Variants in PTPRM observed in about 807,000 individuals in gnomAD.
The protein encoded by PTPRM is receptor-type tyrosine-protein phosphatase mu.
A neutral mutation model predicts 186.7 loss-of-function variants in PTPRM; 47 were observed. That is an observed-to-expected ratio of 0.25 (90% CI 0.20 to 0.32). The LOEUF (loss-of-function observed/expected upper bound fraction) is 0.32. Among genes scored for constraint, PTPRM ranks in the 10% least tolerant of loss-of-function variants. The pLI, the probability that PTPRM is intolerant of heterozygous loss-of-function variation, is 1.00. For synonymous variants in PTPRM, 668 were observed against 674.9 expected (o/e 0.99, Z 0.16); for missense variants, 1,494 against 1,865.0 (o/e 0.80, Z 3.66).
intron 23 of PTPRM, among the ~76,000 whole-genome samples, chr18:8,370,051 G>A (rs926934365): frequency 6.6e-6 from 1 of 152,154 alleles, no homozygotes; most frequent in African/African-American, 2.4e-5. Flanking sequence ...TGGAGGGGCA[G>A]GGACAGGAAT....
chr18:8,405,252 A>G (rs999872746), intron 32 of PTPRM: 1 of 151,726 alleles, frequency 6.6e-6, no homozygotes, highest in East Asian at 1.9e-4. Context: ...GATCTCAAAC[A>G]TTTCCCCTTC....
intron 1 of PTPRM, among the ~76,000 whole-genome samples, chr18:7,710,277 CAG>C (rs2040184773): frequency 6.6e-6 from 1 of 152,088 alleles, no homozygotes; most frequent in Non-Finnish European, 1.5e-5. Context: ...ATCACATAAA[CAG>C]AATTAAAAAC....
chr18:7,963,183 A>T (rs759382040), intron 7 of PTPRM, among the ~76,000 whole-genome samples: 1 of 152,270 alleles, frequency 6.6e-6, no homozygotes, highest in Non-Finnish European at 1.5e-5. Context: ...CACCGTGTAC[A>T]TAGGACAGGG....
chr18:7,925,640 T>C (rs910573212), intron 4 of PTPRM, among the ~76,000 whole-genome samples: 2 of 152,152 alleles, frequency 1.3e-5, no homozygotes, highest in African/African-American at 2.4e-5. Context: ...TTTATCTGTC[T>C]CTCCCAGAAA....
intron 14 of PTPRM, among the ~76,000 whole-genome samples, chr18:8,194,535 C>T (rs1358202833): frequency 1.3e-5 from 2 of 152,184 alleles, no homozygotes; most frequent in African/African-American, 2.4e-5. Context: ...ACAGGCAGGC[C>T]CCTTTATGAA....
At chr18:8,313,490 A>G (rs562968955) in intron 20 of PTPRM, among the ~76,000 whole-genome samples, 50 of 152,236 alleles carry the variant, frequency 3.3e-4, no homozygotes, top group Non-Finnish European at 2.6e-4. Flanking sequence ...GCTATGTTCC[A>G]GGCTCTAATC....
chr18:8,310,609 T>C lies in PTPRM; in HGVS notation c.2843-4172T>C, dbSNP rs144548261. Among the ~76,000 whole-genome samples, 919 of 152,010 alleles carry C rather than the reference T, an allele frequency of 6.0e-3. 8 individuals are homozygous for C. The highest frequency in any genetic ancestry group is 0.021 in the African/African-American group (876 of 41,406). On this transcript the variant is annotated intron_variant, in intron 20 of 32. Transcript: ENST00000580170. ...GCTTCAATGTCCCTTTATTAGGGAA[T>C]TGTTTGCTAGCTCTTCAGAGTAGGT...
intron 2 of PTPRM, among the ~76,000 whole-genome samples, chr18:7,857,558 G>A (rs1392256755): frequency 6.6e-6 from 1 of 152,142 alleles, no homozygotes; most frequent in Admixed American, 6.5e-5. Context: ...TTCACTTTGA[G>A]ATTTCTGTGG....
chr18:8,066,503 G>A (rs972038480), intron 7 of PTPRM, among the ~76,000 whole-genome samples: 7 of 152,076 alleles, frequency 4.6e-5, no homozygotes, highest in Non-Finnish European at 8.8e-5. Context: ...AGTCAAAGAG[G>A]CCTTCATCCC....
intron 9 of PTPRM, among the ~76,000 whole-genome samples, chr18:8,084,302 C>T (rs2090315707): frequency 6.6e-6 from 1 of 152,178 alleles, no homozygotes; most frequent in Admixed American, 6.6e-5. Context: ...CTGCCTTGTT[C>T]CCTGGAGGTA....
At chr18:7,883,455 A>G (rs2048607429) in intron 2 of PTPRM, among the ~76,000 whole-genome samples, 1 of 152,228 alleles carries the variant, frequency 6.6e-6, no homozygotes, top group Non-Finnish European at 1.5e-5. Flanking sequence ...TTATACCTTC[A>G]TAGCAGATAG....
At chr18:8,189,072 G>T (rs1367084977) in intron 14 of PTPRM, among the ~76,000 whole-genome samples, 1 of 152,076 alleles carries the variant, frequency 6.6e-6, no homozygotes, top group African/African-American at 2.4e-5. Context: ...TTGGGAGGCC[G>T]TGGCAGGAGG....
intron 1 of PTPRM, among the ~76,000 whole-genome samples, chr18:7,639,157 C>T (rs1276738117): frequency 6.6e-6 from 1 of 152,196 alleles, no homozygotes; most frequent in African/African-American, 2.4e-5. Flanking sequence ...TCACTGCAAG[C>T]TCCACCTCCA....
At chr18:7,887,106 T>C (rs2048826533) in intron 2 of PTPRM, among the ~76,000 whole-genome samples, 2 of 152,336 alleles carry the variant, frequency 1.3e-5, no homozygotes, top group East Asian at 1.9e-4. Context: ...TTTTCATTTT[T>C]ATACTCCAAG....
intron 1 of PTPRM, among the ~76,000 whole-genome samples, chr18:7,726,601 A>G (rs1299558852): frequency 6.6e-6 from 1 of 152,156 alleles, no homozygotes; most frequent in African/African-American, 2.4e-5. Flanking sequence ...CAAACTAAAT[A>G]TGCTTAGTTC....
At chr18:8,119,825 T>C (rs1184931867) in intron 13 of PTPRM, among the ~76,000 whole-genome samples, 4 of 152,160 alleles carry the variant, frequency 2.6e-5, no homozygotes, top group Non-Finnish European at 5.9e-5. Flanking sequence ...GACCTTACAT[T>C]TATCAGCACC....
chr18:8,246,453 G>T (rs1446028525), intron 15 of PTPRM, among the ~76,000 whole-genome samples: 1 of 152,182 alleles, frequency 6.6e-6, no homozygotes, highest in Non-Finnish European at 1.5e-5. Context: ...GATACAGGTA[G>T]TGGGAATGGG....
intron 4 of PTPRM, among the ~76,000 whole-genome samples, chr18:7,918,441 T>C (rs2050686662): frequency 6.6e-6 from 1 of 152,160 alleles, no homozygotes; most frequent in Non-Finnish European, 1.5e-5. Context: ...ATAAGTGGAG[T>C]AATGTGATAG....
chr18:7,987,525 T>C (rs1373707256), intron 7 of PTPRM, among the ~76,000 whole-genome samples: 1 of 152,184 alleles, frequency 6.6e-6, no homozygotes, highest in Non-Finnish European at 1.5e-5. Context: ...GTCCATGATC[T>C]GCGGTGAGTG....
Sources: allele counts gnomAD v4.1 joint callset (sites outside exome capture counted in the v4.1 genomes callset), GRCh38; gene constraint gnomAD v4.1.1; transcripts MANE v1.5; gene names NCBI Gene and HGNC (gene_info 2026-07-23, HGNC 2026-07-21).